RAB11FIP3: variants seen among roughly 807,000 people sequenced by gnomAD.
RAB11FIP3 encodes rab11 family-interacting protein 3.
In RAB11FIP3, 17 loss-of-function variants were observed where a neutral mutation model predicts 77.8. That is an observed-to-expected ratio of 0.22 (90% confidence interval 0.15 to 0.33). The LOEUF is 0.33. Ranked by LOEUF, RAB11FIP3 falls within the 10% of genes least tolerant of loss-of-function variation. RAB11FIP3 has a pLI of 1.00. For missense variants in RAB11FIP3, 1,005 were observed against 1,011.2 expected (o/e 0.99, Z 0.08); for synonymous variants, 437 against 448.2 (o/e 0.98, Z 0.31).
intron 8 of RAB11FIP3, among the ~76,000 whole-genome samples, chr16:508,919 T>C (rs1370033207): frequency 1.3e-5 from 2 of 152,038 alleles, no homozygotes; most frequent in African/African-American, 2.4e-5. Flanking sequence ...TTTTTTTTTT[T>C]TTGAGACAGA....
Position 425,958 on chromosome 16 carries a change from G to A in RAB11FIP3, c.-49G>A. Reference sequence around the variant, plus strand: ...CCGCGCCCGCCGCCGCGCCCTGAGCGCCTTTGTCTGCCGCCCGCGCCCTTC... The same window carrying A: ...CCGCGCCCGCCGCCGCGCCCTGAGCACCTTTGTCTGCCGCCCGCGCCCTTC... On this transcript the variant is annotated 5_prime_UTR_variant, in exon 1 of 14. Coordinates refer to ENST00000262305, the MANE Select transcript of RAB11FIP3 (RefSeq NM_014700.4). 5.4e-6 allele frequency: 4 copies of A among 741,022 alleles called. No homozygotes were observed. The highest frequency in any genetic ancestry group is 6.2e-6 in the Non-Finnish European group (4 of 642,754). The allele number at this position is 741,022 out of a possible 1,614,324, so 45.9% of individuals were successfully genotyped here.
chr16:495,755 C>CT (rs2031068926), intron 5 of RAB11FIP3, among the ~76,000 whole-genome samples: 2 of 152,118 alleles, frequency 1.3e-5, no homozygotes, highest in African/African-American at 4.8e-5. Context: ...CAGTAGATTT[C>CT]TTTTTTTCTT....
At chr16:466,474 G>A (rs187987020) in intron 2 of RAB11FIP3, among the ~76,000 whole-genome samples, 28 of 152,254 alleles carry the variant, frequency 1.8e-4, no homozygotes, top group African/African-American at 5.5e-4. Flanking sequence ...GGCTTGGAAG[G>A]TGCCCACTCT....
At chr16:439,059 C>T (rs2055181418) in intron 1 of RAB11FIP3, among the ~76,000 whole-genome samples, 1 of 152,210 alleles carries the variant, frequency 6.6e-6, no homozygotes. Context: ...TCACAACTCA[C>T]TGCAGCCTTG....
intron 1 of RAB11FIP3, among the ~76,000 whole-genome samples, chr16:441,425 C>CG (rs1303274038): frequency 7.2e-5 from 11 of 152,166 alleles, no homozygotes; most frequent in African/African-American, 2.2e-4. Context: ...CATGTTCTCA[C>CG]GGGGGGTGAG....
At chr16:474,999 G>T (rs367831398) in intron 3 of RAB11FIP3, 1 of 1,551,720 alleles carries the variant, frequency 6.4e-7, no homozygotes, top group Admixed American at 2.0e-5. Context: ...CGGTTGGGAC[G>T]GAGACACGAT....
In RAB11FIP3 at chr16:505,973, C is replaced by T. The variant is rs562087456; in HGVS notation, c.1499+346C>T. ...AGCCTCACCAGCAGGCCTGGAGGTGCAGCTCTCCCACCACTCTGGTCCATA... is the reference window on the plus strand; with the variant it reads ...AGCCTCACCAGCAGGCCTGGAGGTGTAGCTCTCCCACCACTCTGGTCCATA... On this transcript the variant is annotated intron_variant, in intron 8 of 13. Transcript: ENST00000262305. The surrounding 1 kb of genome is among the most constrained non-coding windows in gnomAD (Gnocchi z 4.0). 3.3e-5 allele frequency among the ~76,000 whole-genome samples: 5 copies of T among 152,332 alleles called. No homozygotes were observed. In the East Asian group the frequency reaches 7.7e-4, roughly 24 times the overall value.
intron 8 of RAB11FIP3, 149 bp from the exon 9 acceptor site, chr16:510,511 C>T: frequency 1.1e-6 from 1 of 923,054 alleles, no homozygotes. Context: ...TCAGAACTGC[C>T]TTGACCAGAG....
chr16:428,915 C>A (rs557867499), intron 1 of RAB11FIP3, among the ~76,000 whole-genome samples: 1 of 151,978 alleles, frequency 6.6e-6, no homozygotes, highest in African/African-American at 2.4e-5. Flanking sequence ...TGATGAAATT[C>A]GAAGGTTGGG....
At chr16:441,532 T>C (rs560303856) in intron 1 of RAB11FIP3, among the ~76,000 whole-genome samples, 2 of 152,208 alleles carry the variant, frequency 1.3e-5, no homozygotes, top group Non-Finnish European at 2.9e-5. Flanking sequence ...AAGTATCCTG[T>C]AACAGTCATA....
chr16:520,182 C>T lies in RAB11FIP3; in HGVS notation c.1921C>T (p.Gln641Ter). ...GCAGCTCCTCAAGCTGGAGGCCGAG[C>T]AGCGGCGGGGCCGCAGCAGCAGCAT... ...HLQLLKLEAE[Q>*]RRGRSSSMGL... is the part of the protein sequence containing the mutation. The change falls in exon 12 of 14, where the codon CAG becomes TAG. Residue 641 changes from glutamine (Q) to a stop codon, truncating the protein, a stop_gained. Coordinates refer to ENST00000262305, the MANE Select transcript of RAB11FIP3 (RefSeq NM_014700.4). LOFTEE classifies it high-confidence loss of function. 2 of 1,546,722 alleles carry T rather than the reference C, an allele frequency of 1.3e-6. No homozygotes were observed. The highest frequency in any genetic ancestry group is 8.7e-7 in the Non-Finnish European group (1 of 1,148,180).
Position 472,092 on chromosome 16 carries a change from C to T in RAB11FIP3, c.903+703C>T, listed in dbSNP as rs141505520. 9.2e-5 allele frequency among the ~76,000 whole-genome samples: 14 copies of T among 152,294 alleles called. No homozygotes were observed. In the East Asian group the frequency reaches 1.9e-3, roughly 21 times the overall value. ...CCAGAAGTGGGGCTGAGCTGCTGGC[C>T]GGTAGGGCCTGGGCTTCTCATGTCA... On this transcript the variant is annotated intron_variant, in intron 3 of 13. Coordinates refer to ENST00000262305, the MANE Select transcript of RAB11FIP3 (RefSeq NM_014700.4). This position sits in a 1 kb window ranked among gnomAD's most constrained non-coding sequence, Gnocchi z 4.1.
rs191331170 is a variant in RAB11FIP3, at chr16:443,272, G to A, written c.714+16552G>A. 2.0e-5 allele frequency among the ~76,000 whole-genome samples: 3 copies of A among 152,234 alleles called. No individual in the cohort carries two copies. In the East Asian group the frequency reaches 5.8e-4, roughly 29 times the overall value. The stretch of plus-strand genomic sequence containing the variant: ...AACCTGCTCTTGTTGGCTTGCGAGT[G>A]CCTTTAAAGCGAAAGCAAGAAGCTT... On this transcript the variant is annotated intron_variant, in intron 1 of 13. Transcript: ENST00000262305.
At chr16:436,918 A>G (rs1355020980) in intron 1 of RAB11FIP3, among the ~76,000 whole-genome samples, 1 of 152,156 alleles carries the variant, frequency 6.6e-6, no homozygotes, top group African/African-American at 2.4e-5. Context: ...AGATAGGAAG[A>G]ATAAGTCCTA....
In RAB11FIP3 at chr16:461,518, G is replaced by A; in HGVS notation, c.808+21G>A. On this transcript the variant is annotated intron_variant, in intron 2 of 13. Coordinates refer to ENST00000262305, the MANE Select transcript of RAB11FIP3 (RefSeq NM_014700.4). This position sits in a 1 kb window ranked among gnomAD's most constrained non-coding sequence, Gnocchi z 4.5. ...CGGAGGTCAGTCATCCCCGCCATGA[G>A]CTCCCACCTCCTCTCCCGTTCCTCA... is the stretch of plus-strand genomic sequence containing the variant. 3 of 1,597,238 alleles carry A rather than the reference G, an allele frequency of 1.9e-6. No individual in the cohort carries two copies.
Position 472,237 on chromosome 16 carries a change from G to C in RAB11FIP3, c.903+848G>C, listed in dbSNP as rs1299806592. ...TATACTCAGTTCCCTGTTCCGAGAAGCTGCCCCAGGGATTAGTCACCCTCA... is the reference window on the plus strand; with the variant it reads ...TATACTCAGTTCCCTGTTCCGAGAACCTGCCCCAGGGATTAGTCACCCTCA... On this transcript the variant is annotated intron_variant, in intron 3 of 13. Coordinates refer to ENST00000262305, the MANE Select transcript of RAB11FIP3 (RefSeq NM_014700.4). This position sits in a 1 kb window ranked among gnomAD's most constrained non-coding sequence, Gnocchi z 4.1. Among the ~76,000 whole-genome samples, 1 of 152,234 alleles carries C rather than the reference G, an allele frequency of 6.6e-6. No homozygotes were observed. Among genetic ancestry groups the C allele is most frequent in the Non-Finnish European group, 1.5e-5 (1 of 68,036 alleles).
intron 6 of RAB11FIP3, among the ~76,000 whole-genome samples, chr16:501,259 T>TG: frequency 6.6e-6 from 1 of 152,284 alleles, no homozygotes; most frequent in Non-Finnish European, 1.5e-5. Context: ...TGCATGACCT[T>TG]GGTTAAACCT....
Position 484,163 on chromosome 16 carries a change from G to T in RAB11FIP3, c.1115+1427G>T, listed in dbSNP as rs190001131. On this transcript the variant is annotated intron_variant, in intron 4 of 13. Transcript: ENST00000262305. The stretch of plus-strand genomic sequence containing the variant: ...CATGTTGTAAGTGCACAGCCAGCAG[G>T]TTTTTCAAACTGACCATTCCCACGG... Among the ~76,000 whole-genome samples, 500 of 152,220 alleles carry T rather than the reference G, an allele frequency of 3.3e-3. 1 individual carries two copies. Among genetic ancestry groups the T allele is most frequent in the African/African-American group, 0.012 (482 of 41,524 alleles).
intron 5 of RAB11FIP3, among the ~76,000 whole-genome samples, chr16:492,368 GGAGACCCGAGGCCGCCCAGAGCCCTCCCC>G (rs2030410156): frequency 2.1e-5 from 3 of 145,140 alleles, no homozygotes; most frequent in Admixed American, 6.8e-5. Context: ...GGTCTTCCCG[GGAGACCCGAGGCCGCCCAGAGCCCTCCCC>G]GGGAGACCCG....
Sources: allele counts gnomAD v4.1 joint callset (sites outside exome capture counted in the v4.1 genomes callset), GRCh38; gene constraint gnomAD v4.1.1; non-coding constraint Gnocchi (gnomAD v3.1); transcripts MANE v1.5; gene names NCBI Gene and HGNC (gene_info 2026-07-23, HGNC 2026-07-21).